The following GPM6A variants were observed in gnomAD, a reference collection of about 807,000 sequenced individuals.
The protein encoded by GPM6A is neuronal membrane glycoprotein M6-a.
Under a neutral mutation model 32.1 loss-of-function variants are expected in GPM6A, and 7 were observed. That is an observed-to-expected ratio of 0.22 (90% confidence interval 0.12 to 0.41). The LOEUF (loss-of-function observed/expected upper bound fraction) is 0.41, where lower values mean the gene tolerates loss of function less well. Ranked by LOEUF, GPM6A falls within the 10% of genes least tolerant of loss-of-function variation. GPM6A has a pLI of 1.00. For synonymous variants in GPM6A, 130 were observed against 123.4 expected (o/e 1.05, Z -0.35); for missense variants, 235 against 347.2 (o/e 0.68, Z 2.57).
chr4:175,679,993 C>G (rs1743590389), intron 2 of GPM6A, among the ~76,000 whole-genome samples: 1 of 152,082 alleles, frequency 6.6e-6, no homozygotes, highest in Non-Finnish European at 1.5e-5. Context: ...TATTCGGGAC[C>G]AAGATGTGGT....
intron 1 of GPM6A, among the ~76,000 whole-genome samples, chr4:175,821,541 A>G (rs912060048): frequency 2.6e-5 from 4 of 152,118 alleles, no homozygotes; most frequent in Non-Finnish European, 2.9e-5. Flanking sequence ...TAGATTAATG[A>G]GACATAATTA....
chr4:175,824,737 C>A (rs1360732294), intron 1 of GPM6A, among the ~76,000 whole-genome samples: 1 of 152,094 alleles, frequency 6.6e-6, no homozygotes, highest in Non-Finnish European at 1.5e-5. Flanking sequence ...TGTGTGGTAT[C>A]CACTGTATGC....
intron 1 of GPM6A, among the ~76,000 whole-genome samples, chr4:175,758,410 T>A (rs1040140981): frequency 5.3e-5 from 8 of 152,180 alleles, no homozygotes; most frequent in African/African-American, 1.9e-4. Context: ...GCAAGTGATA[T>A]GATGAAAGTC....
chr4:175,811,404 C>T (rs1734913840), intron 1 of GPM6A, among the ~76,000 whole-genome samples: 1 of 152,118 alleles, frequency 6.6e-6, no homozygotes. Flanking sequence ...AAGCTAGCTC[C>T]CTCTGAAGCT....
In GPM6A at chr4:175,653,475, A is replaced by T. The variant is rs368574808; in HGVS notation, c.388-1488T>A. 2.5e-4 allele frequency among the ~76,000 whole-genome samples: 38 copies of T among 152,294 alleles called. No individual in the cohort carries two copies. In the East Asian group the frequency reaches 6.2e-3, roughly 25 times the overall value. On this transcript the variant is annotated intron_variant, in intron 3 of 6. Coordinates refer to ENST00000393658, the MANE Select transcript of GPM6A (RefSeq NM_201591.3). ...GTCTCAACAACGTCCTTAAACTAAG[A>T]TTTGGCAGACATATTTATACTTTAT...
In GPM6A at chr4:175,976,466, AAT is replaced by A. The variant is rs1318048718; in HGVS notation, c.-23+25841_-23+25842del. 3.9e-5 allele frequency among the ~76,000 whole-genome samples: 6 copies of A among 152,028 alleles called. No homozygotes were observed. In the East Asian group the frequency reaches 1.2e-3, roughly 29 times the overall value. On this transcript the variant is annotated intron_variant, in intron 1 of 7. Transcript: ENST00000280187. ...CAGGCGTGAGCCACCACGCCCAGCC[AAT>A]ATGTTGTCTTTCAAACCCCTTTTTT...
intron 1 of GPM6A, among the ~76,000 whole-genome samples, chr4:175,729,225 C>T (rs1731309450): frequency 6.6e-6 from 1 of 152,100 alleles, no homozygotes; most frequent in Non-Finnish European, 1.5e-5. Context: ...TAAAACAATC[C>T]TAGCTTCATT....
chr4:175,714,192 C>T (rs555891290), intron 1 of GPM6A, among the ~76,000 whole-genome samples: 6 of 152,172 alleles, frequency 3.9e-5, no homozygotes, highest in South Asian at 2.1e-4. Context: ...TATAAAATCA[C>T]ATTAGATGCC....
At chr4:175,906,301 T>A (rs1384550652) in intron 1 of GPM6A, among the ~76,000 whole-genome samples, 5 of 152,234 alleles carry the variant, frequency 3.3e-5, no homozygotes, top group African/African-American at 9.6e-5. Context: ...AACCTAAGAT[T>A]CATGATGTCA....
intron 1 of GPM6A, among the ~76,000 whole-genome samples, chr4:175,763,451 G>A (rs568620309): frequency 6.6e-6 from 1 of 152,178 alleles, no homozygotes; most frequent in South Asian, 2.1e-4. Flanking sequence ...AGATTCCTTT[G>A]ACTAATTTAC....
intron 1 of GPM6A, among the ~76,000 whole-genome samples, chr4:175,754,207 C>G (rs1732443484): frequency 6.6e-6 from 1 of 152,092 alleles, no homozygotes; most frequent in African/African-American, 2.4e-5. Flanking sequence ...TGACTATTGG[C>G]TAGATGCATG....
At chr4:175,866,534 T>C (rs1736744536) in intron 1 of GPM6A, among the ~76,000 whole-genome samples, 1 of 152,190 alleles carries the variant, frequency 6.6e-6, no homozygotes, top group South Asian at 2.1e-4. Context: ...CCTTTACAAA[T>C]TGGCTTCTTA....
chr4:175,650,290 ATTTATTTATTTATTTATTTAT>A (rs1393248740), intron 4 of GPM6A, among the ~76,000 whole-genome samples: 8 of 65,084 alleles, frequency 1.2e-4, no homozygotes, highest in Admixed American at 1.5e-4. Context: ...TTATTTATTT[ATTTATTTATTTATTTATTTAT>A]TTATTTATTT....
chr4:175,731,767 A>G (rs188419020), intron 1 of GPM6A, among the ~76,000 whole-genome samples: 24 of 152,270 alleles, frequency 1.6e-4, no homozygotes, highest in Non-Finnish European at 3.1e-4. Context: ...TAGTCCTAGC[A>G]ATATAAAGGC....
chr4:175,778,573 G>A (rs1417068560), intron 1 of GPM6A, among the ~76,000 whole-genome samples: 1 of 148,944 alleles, frequency 6.7e-6, no homozygotes, highest in Non-Finnish European at 1.5e-5. Flanking sequence ...TGCAGTGAGG[G>A]GAGATCGCAG....
At position 175,889,600 on chromosome 4, in the gene GPM6A, C is replaced by T. The variant is rs189128505; in HGVS notation, c.-22-77351G>A. Among the ~76,000 whole-genome samples, 417 of 151,328 alleles carry T rather than the reference C, an allele frequency of 2.8e-3. 3 individuals carry two copies. The highest frequency in any genetic ancestry group is 0.014 in the Middle Eastern group (4 of 292). On this transcript the variant is annotated intron_variant, in intron 1 of 7. Coordinates refer to the GPM6A transcript ENST00000280187. ...GGAGGCCGAGGCGGGTGGATCACAA[C>T]GTCAGGAGATTGAGGCCATTGGCTA...
At chr4:175,889,860 C>CAAAGA (rs1013901203) in intron 1 of GPM6A, among the ~76,000 whole-genome samples, 6 of 150,734 alleles carry the variant, frequency 4.0e-5, no homozygotes, top group Admixed American at 1.3e-4. Context: ...GAAAAACGAG[C>CAAAGA]AAAGAAAAGA....
chr4:175,988,854 T>C (rs1251774563), intron 1 of GPM6A, among the ~76,000 whole-genome samples: 1 of 152,166 alleles, frequency 6.6e-6, no homozygotes, highest in African/African-American at 2.4e-5. Context: ...ATTACTCTGA[T>C]TTGTTGTCAA....
upstream of GPM6A, among the ~76,000 whole-genome samples, chr4:175,813,411 C>G (rs1051509455): frequency 6.6e-6 from 1 of 152,054 alleles, no homozygotes; most frequent in African/African-American, 2.4e-5. Context: ...AAAGGTATAG[C>G]AAGAAAATAA....
Sources: allele counts gnomAD v4.1 joint callset (sites outside exome capture counted in the v4.1 genomes callset), GRCh38; gene constraint gnomAD v4.1.1; transcripts MANE v1.5; gene names NCBI Gene and HGNC (gene_info 2026-07-23, HGNC 2026-07-21).